ANKS1A: variants seen among roughly 807,000 people sequenced by gnomAD.
ANKS1A encodes the protein ankyrin repeat and sterile alpha motif domain containing 1A.
ANKS1A carries 55 observed loss-of-function variants against 120.3 expected under a neutral mutation model. The ratio of observed to expected loss-of-function variants is 0.46; its 90% CI spans 0.37 to 0.57. ANKS1A has a LOEUF of 0.57. Ranked by LOEUF, ANKS1A falls within the 20% of genes least tolerant of loss-of-function variation. The probability of loss-of-function intolerance (pLI) is 0.00; values close to 1 mark genes in which losing one functional copy is unlikely to be tolerated. For missense variants in ANKS1A, 1,123 were observed against 1,480.3 expected (o/e 0.76, Z 3.96); for synonymous variants, 590 against 604.7 (o/e 0.98, Z 0.36).
chr6:34,989,230 C>T lies in ANKS1A; in HGVS notation c.1216C>T (p.Arg406Cys), dbSNP rs773993416. The change falls in exon 9 of 24, where the codon CGT (arginine) becomes TGT (cysteine). Residue 406 changes from arginine (R) to cysteine (C), a missense_variant. Arg to Cys is a radical substitution (Grantham distance 180). Around this residue, in one of 3 missense-constraint regions of ANKS1A, gnomAD observed 904 missense variants for 1,130.4 expected, o/e 0.80. Transcript: ENST00000360359. ...ATTTTTTTCTCTTCTGCAGAGGGAA[C>T]GTCCACCACCTCCAGCAAAGCCACC... is the stretch of plus-strand genomic sequence containing the variant. ...VKPAGVRPRE[R>C]PPPPAKPPPD... The T allele has an allele frequency of 1.2e-5, 20 of 1,613,204 alleles. No homozygotes were observed. Among genetic ancestry groups the T allele is most frequent in the Non-Finnish European group, 1.4e-5 (17 of 1,179,720 alleles).
chr6:35,080,859 T>C (rs956622324), intron 16 of ANKS1A, 135 bp from the exon 17 acceptor site: 1 of 1,029,670 alleles, frequency 9.7e-7, no homozygotes, highest in Non-Finnish European at 1.4e-6. Context: ...ACCCCTGTGG[T>C]GTTGGCCCCT....
intron 1 of ANKS1A, among the ~76,000 whole-genome samples, chr6:34,945,133 T>A (rs1339115080): frequency 1.3e-5 from 2 of 152,160 alleles, no homozygotes; most frequent in Non-Finnish European, 2.9e-5. Context: ...TGGAATGCAG[T>A]GGGGAGAACA....
chr6:35,060,360 A>G lies in ANKS1A; in HGVS notation c.2184+107A>G. On this transcript the variant is annotated intron_variant, in intron 13 of 23. Transcript: ENST00000360359. The surrounding 1 kb of genome is among the most constrained non-coding windows in gnomAD (Gnocchi z 4.5). Reference sequence around the variant, plus strand: ...GAGTCTGCAACAGTACGTAGACCCAAATCCCAGGGAAAGCTCACTGAGGTC... The same window carrying G: ...GAGTCTGCAACAGTACGTAGACCCAGATCCCAGGGAAAGCTCACTGAGGTC... 1 of 942,094 alleles carries G rather than the reference A, an allele frequency of 1.1e-6. No individual in the cohort carries two copies. The highest frequency in any genetic ancestry group is 1.6e-6 in the Non-Finnish European group (1 of 620,944). The allele number at this position is 942,094 out of a possible 1,614,324, so 58.4% of individuals were successfully genotyped here.
chr6:35,094,204 G>A (rs1197571695), downstream of ANKS1A, among the ~76,000 whole-genome samples: 1 of 152,214 alleles, frequency 6.6e-6, no homozygotes, highest in Admixed American at 6.5e-5. Context: ...AAATGTCCAA[G>A]TTTCAATAGA....
chr6:35,077,473 G>A (rs941684719), intron 13 of ANKS1A, among the ~76,000 whole-genome samples: 2 of 152,246 alleles, frequency 1.3e-5, no homozygotes, highest in African/African-American at 4.8e-5. Flanking sequence ...TGAAAATGCA[G>A]TGTGCAGGCA....
chr6:35,089,355 C>T lies in ANKS1A; in HGVS notation c.*746C>T. On this transcript the variant is annotated 3_prime_UTR_variant, in exon 24 of 24. Coordinates refer to ENST00000360359, the MANE Select transcript of ANKS1A (RefSeq NM_015245.3). Reference sequence around the variant, plus strand: ...TAGTGCTGGGAAGTCTTAGCCAGCACCAGAGCGCCAGGCCTCTCCCTGGCC... The same window carrying T: ...TAGTGCTGGGAAGTCTTAGCCAGCATCAGAGCGCCAGGCCTCTCCCTGGCC... 3.0e-6 allele frequency: 3 copies of T among 986,880 alleles called. No homozygotes were observed. The highest frequency in any genetic ancestry group is 3.6e-6 in the Non-Finnish European group (3 of 830,706). The allele number at this position is 986,880 out of a possible 1,614,324, so 61.1% of individuals were successfully genotyped here. A position where few individuals can be genotyped will look rare whatever the true frequency, so the allele number is the denominator to read the frequency against.
chr6:34,903,638 C>T (rs1767481801), intron 1 of ANKS1A, among the ~76,000 whole-genome samples: 1 of 152,154 alleles, frequency 6.6e-6, no homozygotes, highest in Admixed American at 6.5e-5. Context: ...GCTGGGACTA[C>T]AGGCACGTGC....
intron 1 of ANKS1A, among the ~76,000 whole-genome samples, chr6:34,896,309 A>T (rs1222073103): frequency 6.6e-6 from 1 of 152,038 alleles, no homozygotes; most frequent in Non-Finnish European, 1.5e-5. Context: ...ACTTCAAGTG[A>T]TCTGCCTGCC....
chr6:34,958,512 C>T (rs746884925), intron 1 of ANKS1A, among the ~76,000 whole-genome samples: 1 of 152,172 alleles, frequency 6.6e-6, no homozygotes, highest in Non-Finnish European at 1.5e-5. Flanking sequence ...CAGGCCATCA[C>T]AACAGTATAG....
At chr6:35,075,274 G>C (rs1357809681) in intron 13 of ANKS1A, among the ~76,000 whole-genome samples, 1 of 152,162 alleles carries the variant, frequency 6.6e-6, no homozygotes, top group Non-Finnish European at 1.5e-5. Flanking sequence ...ACATAACTGA[G>C]AAGCTCTGCA....
At chr6:34,924,520 T>C (rs1768609047) in intron 1 of ANKS1A, among the ~76,000 whole-genome samples, 1 of 152,198 alleles carries the variant, frequency 6.6e-6, no homozygotes, top group African/African-American at 2.4e-5. Context: ...CCTGCAGCAC[T>C]ACTGTTTCTG....
chr6:35,078,672 C>T lies in ANKS1A; in HGVS notation c.2283+16C>T. ...CCTACCCAAGGTGACCATCGCCGGC[C>T]CTGTAGCCTCAGCCCGTGCGGAGCC... On this transcript the variant is annotated intron_variant, in intron 14 of 23. Coordinates refer to ENST00000360359, the MANE Select transcript of ANKS1A (RefSeq NM_015245.3). 1.3e-6 allele frequency: 2 copies of T among 1,599,772 alleles called. No individual in the cohort carries two copies. The highest frequency in any genetic ancestry group is 1.7e-6 in the Non-Finnish European group (2 of 1,179,542).
chr6:34,894,893 A>C (rs1047555376), intron 1 of ANKS1A, among the ~76,000 whole-genome samples: 5 of 152,234 alleles, frequency 3.3e-5, no homozygotes, highest in Non-Finnish European at 7.3e-5. Flanking sequence ...ATAAGAAAAG[A>C]GGAAGCCAAG....
intron 1 of ANKS1A, among the ~76,000 whole-genome samples, chr6:34,906,616 G>A (rs1410782478): frequency 6.6e-6 from 1 of 152,190 alleles, no homozygotes; most frequent in Admixed American, 6.5e-5. Context: ...TAGGAATAAT[G>A]AGGGGAATAG....
At position 34,981,887 on chromosome 6, in the gene ANKS1A, C is replaced by T; in HGVS notation, c.633C>T (p.Cys211=). 1 of 1,614,156 alleles carries T rather than the reference C, an allele frequency of 6.2e-7. No individual in the cohort carries two copies. The highest frequency in any genetic ancestry group is 8.5e-7 in the Non-Finnish European group (1 of 1,180,032). The change falls in exon 4 of 24, where the codon TGC becomes TGT. Residue 211 remains cysteine, a synonymous_variant. Coordinates refer to ENST00000360359, the MANE Select transcript of ANKS1A (RefSeq NM_015245.3). ...LLNAHPNLLS[C]NTKKHTPLHL... ...ATGCACACCCCAACCTCCTGAGCTGCAACACTAAGAAGCACACCCCTCTGC... is the reference window on the plus strand; with the variant it reads ...ATGCACACCCCAACCTCCTGAGCTGTAACACTAAGAAGCACACCCCTCTGC...
chr6:35,012,983 C>T (rs1337309120), intron 10 of ANKS1A, among the ~76,000 whole-genome samples: 2 of 152,082 alleles, frequency 1.3e-5, no homozygotes, highest in Non-Finnish European at 2.9e-5. Context: ...AGTCCCTGGG[C>T]GTGAGGTTTG....
chr6:34,899,891 G>C (rs1007750433), intron 1 of ANKS1A, among the ~76,000 whole-genome samples: 7 of 152,236 alleles, frequency 4.6e-5, no homozygotes, highest in Admixed American at 2.0e-4. Context: ...CTGCAGCCAT[G>C]ATCAAACTTC....
intron 1 of ANKS1A, among the ~76,000 whole-genome samples, chr6:34,942,831 C>T (rs1374437885): frequency 6.6e-6 from 1 of 151,024 alleles, no homozygotes; most frequent in Non-Finnish European, 1.5e-5. Context: ...TCTTTTCCCC[C>T]TCCCCTCCCC....
intron 1 of ANKS1A, among the ~76,000 whole-genome samples, chr6:34,906,092 G>A (rs192464896): frequency 2.6e-4 from 39 of 152,234 alleles, no homozygotes; most frequent in African/African-American, 8.7e-4. Flanking sequence ...CCATCTAGCC[G>A]TATGATCTTG....
Sources: allele counts gnomAD v4.1 joint callset (sites outside exome capture counted in the v4.1 genomes callset), GRCh38; gene constraint gnomAD v4.1.1; regional missense constraint gnomAD v4.1.1; non-coding constraint Gnocchi (gnomAD v3.1); transcripts MANE v1.5; gene names NCBI Gene and HGNC (gene_info 2026-07-23, HGNC 2026-07-21).